NDST4: variants seen among roughly 807,000 people sequenced by gnomAD.
The protein encoded by NDST4 is N-deacetylase and N-sulfotransferase 4.
Under a neutral mutation model 100.8 loss-of-function variants are expected in NDST4, and 63 were observed. The ratio of observed to expected loss-of-function variants is 0.62; its 90% CI spans 0.51 to 0.77. NDST4 has a LOEUF of 0.77. Among genes scored for constraint, NDST4 ranks in the 30% least tolerant of loss-of-function variants. NDST4 has a pLI of 0.00. For missense variants in NDST4, 943 were observed against 1,018.4 expected (o/e 0.93, Z 1.01); for synonymous variants, 377 against 361.8 (o/e 1.04, Z -0.48).
chr4:115,070,622 G>A lies in NDST4; in HGVS notation c.978+5437C>T, dbSNP rs374144304. ...TATTAATAAACAAATGAAAGTTATT[G>A]AAACTGAATTTAATTTTGATTGCCT... On this transcript the variant is annotated intron_variant, in intron 2 of 13. Coordinates refer to ENST00000264363, the MANE Select transcript of NDST4 (RefSeq NM_022569.3). Among the ~76,000 whole-genome samples, 59 of 152,232 alleles carry A rather than the reference G, an allele frequency of 3.9e-4. No individual in the cohort carries two copies. In the East Asian group the frequency reaches 0.011, roughly 28 times the overall value.
chr4:115,065,814 C>G (rs546159354), intron 2 of NDST4, among the ~76,000 whole-genome samples: 1 of 152,216 alleles, frequency 6.6e-6, no homozygotes, highest in South Asian at 2.1e-4. Context: ...ACAAACAGCA[C>G]CCACATTTAG....
intron 2 of NDST4, among the ~76,000 whole-genome samples, chr4:114,990,885 T>G (rs150630176): frequency 1.1e-4 from 16 of 152,220 alleles, no homozygotes; most frequent in South Asian, 4.1e-4. Context: ...TGTGCCATAT[T>G]AGGTTTATTT....
intron 7 of NDST4, among the ~76,000 whole-genome samples, chr4:114,855,379 GTT>G (rs1193473634): frequency 1.3e-5 from 2 of 152,090 alleles, no homozygotes; most frequent in African/African-American, 4.8e-5. Context: ...TTTCTCCAAT[GTT>G]TTATTTTAGT....
intron 2 of NDST4, among the ~76,000 whole-genome samples, chr4:115,036,827 T>G (rs771190338): frequency 2.0e-5 from 3 of 152,008 alleles, no homozygotes; most frequent in Non-Finnish European, 4.4e-5. Context: ...AAGCATTACA[T>G]TGATATTAAA....
At chr4:115,058,898 CT>C (rs1328349864) in intron 2 of NDST4, among the ~76,000 whole-genome samples, 1 of 151,696 alleles carries the variant, frequency 6.6e-6, no homozygotes, top group Admixed American at 6.6e-5. Context: ...ACTAATTGTG[CT>C]TTTTTATTTA....
At position 115,002,543 on chromosome 4, in the gene NDST4, T is replaced by C. The variant is rs1578444354; in HGVS notation, c.979-25269A>G. Among the ~76,000 whole-genome samples, 3 of 152,212 alleles carry C rather than the reference T, an allele frequency of 2.0e-5. No individual in the cohort carries two copies. The East Asian group carries it at 5.8e-4, about 29-fold the overall frequency. On this transcript the variant is annotated intron_variant, in intron 2 of 13. Transcript: ENST00000264363. ...TTTGGGCTTTTGTTGCAATTGCTTT[T>C]GGTGTTTTAGTCATGAAGTCTTTGC...
chr4:114,948,527 T>C (rs1725919618), intron 4 of NDST4, among the ~76,000 whole-genome samples: 1 of 152,130 alleles, frequency 6.6e-6, no homozygotes. Context: ...TATTTTTCTG[T>C]AGACATGTTC....
At chr4:114,852,695 G>A (rs747780294) in intron 8 of NDST4, 30 bp downstream of exon 8, 7 of 1,207,256 alleles carry the variant, frequency 5.8e-6, no homozygotes, top group Non-Finnish European at 8.6e-6. Flanking sequence ...TTTTAAAAAG[G>A]ATATAAGTAG....
Position 114,963,777 on chromosome 4 carries a change from C to T in NDST4, c.1221+6653G>A, listed in dbSNP as rs111758612. Among the ~76,000 whole-genome samples, 1,129 of 152,144 alleles carry T rather than the reference C, an allele frequency of 7.4e-3. 23 individuals are homozygous for T. Among genetic ancestry groups the T allele is most frequent in the African/African-American group, 0.025 (1,044 of 41,512 alleles). On this transcript the variant is annotated intron_variant, in intron 4 of 13. Coordinates refer to ENST00000264363, the MANE Select transcript of NDST4 (RefSeq NM_022569.3). ...TTTGAAGGATGTAATTGACATTAACCTTGAAGAAAAATATTAGGTTTTAGT... is the reference window on the plus strand; with the variant it reads ...TTTGAAGGATGTAATTGACATTAACTTTGAAGAAAAATATTAGGTTTTAGT...
chr4:114,997,756 C>T (rs994739345), intron 2 of NDST4, among the ~76,000 whole-genome samples: 12 of 152,130 alleles, frequency 7.9e-5, no homozygotes, highest in Middle Eastern at 3.4e-3. Context: ...AGTGAATACT[C>T]CATTAGCTTG....
In NDST4 at chr4:115,021,213, T is replaced by TATATATATATTCCAC. The variant is rs762773024; in HGVS notation, c.979-43954_979-43940dup. ...GAAACTGTGGTATATATATTCCATA[T>TATATATATATTCCAC]ATATATATATTCCACATATATATAT... On this transcript the variant is annotated intron_variant, in intron 2 of 13. Transcript: ENST00000264363. Among the ~76,000 whole-genome samples the TATATATATATTCCAC allele has an allele frequency of 2.2e-3, 324 of 147,152 alleles. 3 individuals carry two copies. The highest frequency in any genetic ancestry group is 6.3e-3 in the African/African-American group (244 of 38,454).
intron 6 of NDST4, among the ~76,000 whole-genome samples, chr4:114,880,357 G>A (rs989630372): frequency 6.6e-6 from 1 of 152,114 alleles, no homozygotes; most frequent in Admixed American, 6.6e-5. Flanking sequence ...GACAACCAGA[G>A]CTGCTTTCAA....
intron 4 of NDST4, among the ~76,000 whole-genome samples, chr4:114,956,430 TATC>T (rs1329765461): frequency 1.3e-5 from 2 of 152,190 alleles, no homozygotes. Flanking sequence ...AGGCTGTTGT[TATC>T]ATAATTAAGA....
At chr4:115,034,196 A>C (rs957083292) in intron 2 of NDST4, among the ~76,000 whole-genome samples, 5 of 152,052 alleles carry the variant, frequency 3.3e-5, no homozygotes, top group Non-Finnish European at 5.9e-5. Context: ...ATATTCAAAC[A>C]TGTTAATTAC....
chr4:114,925,196 G>A (rs1725364680), intron 6 of NDST4, among the ~76,000 whole-genome samples: 1 of 152,004 alleles, frequency 6.6e-6, no homozygotes, highest in Non-Finnish European at 1.5e-5. Context: ...AAACCACAAT[G>A]TTTATAGGAA....
At chr4:114,966,555 G>T (rs1457317212) in intron 4 of NDST4, among the ~76,000 whole-genome samples, 1 of 152,012 alleles carries the variant, frequency 6.6e-6, no homozygotes, top group Non-Finnish European at 1.5e-5. Context: ...TTTTGGAACT[G>T]CTATGAGAAC....
intron 4 of NDST4, among the ~76,000 whole-genome samples, chr4:114,943,340 ATAACT>A (rs970727243): frequency 1.3e-5 from 2 of 151,974 alleles, no homozygotes; most frequent in East Asian, 1.9e-4. Context: ...TTTAAAAGTA[ATAACT>A]TAATTATGTA....
At chr4:114,996,450 C>T (rs958717658) in intron 2 of NDST4, among the ~76,000 whole-genome samples, 14 of 152,074 alleles carry the variant, frequency 9.2e-5, no homozygotes, top group African/African-American at 3.4e-4. Flanking sequence ...CAGCAGTTTT[C>T]TGTCATGTTA....
chr4:114,833,698 T>A lies in NDST4; in HGVS notation c.2304A>T (p.Gly768=). 1.9e-6 allele frequency: 3 copies of A among 1,608,918 alleles called. No homozygotes were observed. The highest frequency in any genetic ancestry group is 2.5e-6 in the Non-Finnish European group (3 of 1,178,052). Residue 768 remains glycine (G), a synonymous_variant, in exon 12 of 14, where the codon GGA becomes GGT. Coordinates refer to ENST00000264363, the MANE Select transcript of NDST4 (RefSeq NM_022569.3). ...TAGCTGGGTCAGATCTCAGCTGCTG[T>A]CCATCAATAATTAGCAACTGTAAAG... ...FATSQLLIID[G]QQLRSDPATV... is the part of the protein sequence containing the mutation.
Sources: allele counts gnomAD v4.1 joint callset (sites outside exome capture counted in the v4.1 genomes callset), GRCh38; gene constraint gnomAD v4.1.1; transcripts MANE v1.5; gene names NCBI Gene and HGNC (gene_info 2026-07-23, HGNC 2026-07-21).